The following CCNK variants were observed in gnomAD, a reference collection of about 807,000 sequenced individuals.
CCNK encodes the protein cyclin K.
CCNK carries 9 observed loss-of-function variants against 65.0 expected under a neutral mutation model. That is an observed-to-expected ratio of 0.14 (90% CI 0.08 to 0.24). The LOEUF is 0.24. Among genes scored for constraint, CCNK ranks in the 10% least tolerant of loss-of-function variants. The pLI is 1.00. For synonymous variants in CCNK, 279 were observed against 270.8 expected, an observed-to-expected ratio of 1.03 and a Z score of -0.30; for missense variants, 474 against 720.0, an observed-to-expected ratio of 0.66 and a Z score of 3.91.
intron 4 of CCNK, among the ~76,000 whole-genome samples, chr14:99,499,081 T>G (rs1896762929): frequency 6.6e-6 from 1 of 152,226 alleles, no homozygotes; most frequent in African/African-American, 2.4e-5. Context: ...CTCTTGTTAC[T>G]CAGGCTGGAG....
intron 1 of CCNK, 56 bp from the exon 2 acceptor site, chr14:99,492,570 A>G: frequency 1.1e-6 from 1 of 882,908 alleles, no homozygotes; most frequent in East Asian, 2.7e-5. Context: ...CTATGATTCT[A>G]GATTGCTTAT....
chr14:99,493,012 C>A, intron 2 of CCNK, 138 bp downstream of exon 2: 1 of 776,736 alleles, frequency 1.3e-6, no homozygotes, highest in Non-Finnish European at 1.9e-6. Flanking sequence ...AATGTTGTTT[C>A]TGGTGGGGGT....
chr14:99,510,784 G>C lies in CCNK; in HGVS notation c.*2G>C. Reference sequence around the variant, plus strand: ...GGGCGGGCAGCCTGGATGAGATAACGTGAGCCTTTTTTCCCTCTTTGTTTT... The same window carrying C: ...GGGCGGGCAGCCTGGATGAGATAACCTGAGCCTTTTTTCCCTCTTTGTTTT... On this transcript the variant is annotated 3_prime_UTR_variant, in exon 11 of 11. Coordinates refer to ENST00000389879, the MANE Select transcript of CCNK (RefSeq NM_001099402.2). 8 of 1,431,976 alleles carry C rather than the reference G, an allele frequency of 5.6e-6. No individual in the cohort carries two copies. Among genetic ancestry groups the C allele is most frequent in the Non-Finnish European group, 6.4e-6 (7 of 1,093,620 alleles). The allele number at this position is 1,431,976 out of a possible 1,614,324, so 88.7% of individuals were successfully genotyped here. A position where few individuals can be genotyped will look rare whatever the true frequency, so the allele number is the denominator to read the frequency against.
intron 9 of CCNK, chr14:99,505,672 A>G (rs1747852846): frequency 6.6e-6 from 1 of 152,158 alleles, no homozygotes; most frequent in Admixed American, 6.5e-5. Flanking sequence ...ACTGGGCCAC[A>G]TAGGGTGACC....
At position 99,491,000 on chromosome 14, in the gene CCNK, A is replaced by G. The variant is rs544375775; in HGVS notation, c.-52-1626A>G. ...ACATAGATGCTAACATACTGTGTAC[A>G]CTATCCTATACCTTGCTGATCTGGA... On this transcript the variant is annotated intron_variant, in intron 1 of 10. Transcript: ENST00000389879. Among the ~76,000 whole-genome samples the G allele has an allele frequency of 1.2e-4, 18 of 151,804 alleles. 1 individual carries two copies. The highest frequency in any genetic ancestry group is 3.9e-4 in the Admixed American group (6 of 15,248).
chr14:99,486,857 T>A (rs1243871471), intron 1 of CCNK, among the ~76,000 whole-genome samples: 1 of 149,044 alleles, frequency 6.7e-6, no homozygotes, highest in East Asian at 2.0e-4. Flanking sequence ...CCTCATTATG[T>A]TCTCTCCCCT....
Position 99,511,481 on chromosome 14 carries a change from A to G in CCNK, c.*699A>G, listed in dbSNP as rs1413124534. The G allele has an allele frequency of 6.6e-6, 1 of 152,608 alleles. No individual in the cohort carries two copies. The highest frequency in any genetic ancestry group is 1.5e-5 in the Non-Finnish European group (1 of 68,046). The allele number at this position is 152,608 out of a possible 1,614,324, so 9.5% of individuals were successfully genotyped here. A position where few individuals can be genotyped will look rare whatever the true frequency, so the allele number is the denominator to read the frequency against. On this transcript the variant is annotated 3_prime_UTR_variant, in exon 11 of 11. Transcript: ENST00000389879. ...TCTTGGTTACAAATGAGACTCCTTC[A>G]GTCAGTTATCCAAATAAAAGCAGTT... is the stretch of plus-strand genomic sequence containing the variant.
Position 99,501,197 on chromosome 14 carries a change from A to G in CCNK, c.518-159A>G, listed in dbSNP as rs539923908. ...TAGGTCATGAGGAGGAAGAAGGGGT[A>G]GGATGTGGACCCACATCATTCATCC... On this transcript the variant is annotated intron_variant, in intron 5 of 10. Coordinates refer to ENST00000389879, the MANE Select transcript of CCNK (RefSeq NM_001099402.2). 18 of 628,808 alleles carry G rather than the reference A, an allele frequency of 2.9e-5. No individual in the cohort carries two copies. In the African/African-American group the frequency reaches 3.1e-4, roughly 11 times the overall value. 39.0% of individuals were successfully genotyped at this position (628,808 alleles called of 1,614,324 possible).
chr14:99,485,152 A>G (rs1595302597), intron 1 of CCNK, among the ~76,000 whole-genome samples: 1 of 152,198 alleles, frequency 6.6e-6, no homozygotes, highest in Non-Finnish European at 1.5e-5. Flanking sequence ...TAATATTTTC[A>G]CTACATTTCA....
chr14:99,502,472 G>T (rs935234333), intron 7 of CCNK, 96 bp downstream of exon 7: 1 of 1,480,920 alleles, frequency 6.8e-7, no homozygotes, highest in Admixed American at 2.5e-5. Flanking sequence ...TTCCCAGATA[G>T]ACATATGTGA....
At chr14:99,509,256 T>G (rs1462455939) in intron 10 of CCNK, 1 of 152,292 alleles carries the variant, frequency 6.6e-6, no homozygotes, top group Non-Finnish European at 1.5e-5. Context: ...CTGGGCTGCC[T>G]TGGGAAAGGA....
At chr14:99,507,326 C>A in intron 10 of CCNK, 179 bp downstream of exon 10, 1 of 609,818 alleles carries the variant, frequency 1.6e-6, no homozygotes, top group Non-Finnish European at 3.0e-6. Context: ...TTTTTGATCC[C>A]AGCACTTTGG....
intron 4 of CCNK, chr14:99,500,101 G>T (rs1896787168): frequency 6.6e-6 from 1 of 152,234 alleles, no homozygotes. Context: ...AAAAGATAGT[G>T]TGTGTGTAGG....
In CCNK at chr14:99,510,269, G is replaced by A. The variant is rs1197869346; in HGVS notation, c.1230G>A (p.Val410=). Residue 410 remains valine (V), a synonymous_variant, in exon 11 of 11, where the codon GTG becomes GTA. Transcript: ENST00000389879. ...CCCCTCCGGCCCACCCGGCCCCTGT[G>A]CACCAGCCACCGCCGCTGCCACACC... ...QIPPPAHPAP[V]HQPPPLPHRP... 9 of 1,482,344 alleles carry A rather than the reference G, an allele frequency of 6.1e-6. No homozygotes were observed. In the South Asian group the frequency reaches 1.1e-4, roughly 18 times the overall value. 91.8% of individuals were successfully genotyped at this position (1,482,344 alleles called of 1,614,324 possible).
chr14:99,507,229 A>G (rs768122300), intron 10 of CCNK, 82 bp downstream of exon 10: 1 of 865,280 alleles, frequency 1.2e-6, no homozygotes, highest in Non-Finnish European at 2.0e-6. Flanking sequence ...GAACTTAGAA[A>G]AGGGAGACTG....
chr14:99,498,873 T>C (rs555146960), intron 4 of CCNK, among the ~76,000 whole-genome samples: 17 of 152,204 alleles, frequency 1.1e-4, no homozygotes, highest in South Asian at 1.0e-3. Flanking sequence ...AATTGAATAT[T>C]TGGAAGACAG....
intron 8 of CCNK, 59 bp downstream of exon 8, chr14:99,503,043 G>C (rs1426168832): frequency 1.9e-6 from 3 of 1,566,924 alleles, no homozygotes; most frequent in Non-Finnish European, 2.6e-6. Flanking sequence ...GGCAACACCT[G>C]AGCACTGTTC....
rs1394759174 is a variant in CCNK, at chr14:99,481,902, G to C, written c.-53+423G>C. ...TGAAACTTTTTGGAGGTTGTTCCAT[G>C]TCTAGGGTACTCCGACTTTGGAGTT... is the stretch of plus-strand genomic sequence containing the variant. On this transcript the variant is annotated intron_variant, in intron 1 of 10. Transcript: ENST00000389879. Among the ~76,000 whole-genome samples, 4 of 152,238 alleles carry C rather than the reference G, an allele frequency of 2.6e-5. 1 individual carries two copies. Among genetic ancestry groups the C allele is most frequent in the African/African-American group, 9.6e-5 (4 of 41,458 alleles).
rs1595308138 is a variant in CCNK at position 99,492,890 on chromosome 14, T to C, written c.197+16T>C. 6.4e-7 allele frequency: 1 copy of C among 1,562,632 alleles called. No individual in the cohort carries two copies. Among genetic ancestry groups the C allele is most frequent in the South Asian group, 1.2e-5 (1 of 82,912 alleles). ...GTTTGGGGCTGTATCCTGACTCTCC[T>C]TGGAATCTGTTACAGATAGGCTCCC... On this transcript the variant is annotated intron_variant, in intron 2 of 10. Transcript: ENST00000389879.
Sources: gnomAD v4.1 joint callset for allele counts (sites outside exome capture counted in the v4.1 genomes callset) on GRCh38, gnomAD v4.1.1 for gene constraint, MANE v1.5 for transcripts, NCBI Gene and HGNC (gene_info 2026-07-23, HGNC 2026-07-21) for gene names.